ADGRL3: variants seen among roughly 807,000 people sequenced by gnomAD.
The protein encoded by ADGRL3 is calcium-independent alpha-latrotoxin receptor 3.
In ADGRL3, 62 loss-of-function variants were observed where a neutral mutation model predicts 153.5. The ratio of observed to expected loss-of-function variants is 0.40; its 90% confidence interval spans 0.33 to 0.50. The LOEUF is 0.50. ADGRL3 is among the 20% of genes least tolerant of loss of function. ADGRL3 has a pLI of 0.47. For synonymous variants in ADGRL3, 710 were observed against 672.5 expected (o/e 1.06, Z -0.86); for missense variants, 1,641 against 1,859.4 (o/e 0.88, Z 2.16).
intron 4 of ADGRL3, among the ~76,000 whole-genome samples, chr4:61,523,056 T>TGA (rs2098540211): frequency 1.7e-5 from 1 of 58,322 alleles, no homozygotes; most frequent in African/African-American, 1.3e-4. Context: ...CTGAAAATTG[T>TGA]GCGTGTGTGT....
At chr4:61,617,029 A>G (rs1017012376) in intron 5 of ADGRL3, among the ~76,000 whole-genome samples, 1 of 152,106 alleles carries the variant, frequency 6.6e-6, no homozygotes, top group African/African-American at 2.4e-5. Flanking sequence ...CCTTAAAATA[A>G]TTTTTTATAT....
chr4:61,661,583 T>C (rs1561020192), intron 5 of ADGRL3, among the ~76,000 whole-genome samples: 1 of 152,114 alleles, frequency 6.6e-6, no homozygotes, highest in Non-Finnish European at 1.5e-5. Context: ...TTATGAAACT[T>C]TGTCTCTTTA....
chr4:61,431,841 T>C (rs1057034840), intron 2 of ADGRL3, among the ~76,000 whole-genome samples: 4 of 152,204 alleles, frequency 2.6e-5, no homozygotes, highest in Admixed American at 2.6e-4. Context: ...GTCATAATAC[T>C]TCCTCTCTAA....
chr4:61,434,593 GC>G (rs1431070346), intron 2 of ADGRL3, among the ~76,000 whole-genome samples: 6 of 145,306 alleles, frequency 4.1e-5, no homozygotes, highest in Non-Finnish European at 3.1e-5. Context: ...CTTTATCAAT[GC>G]TTGCTTAATG....
intron 1 of ADGRL3, among the ~76,000 whole-genome samples, chr4:61,366,489 A>G (rs1256152546): frequency 6.6e-6 from 1 of 152,190 alleles, no homozygotes; most frequent in East Asian, 1.9e-4. Context: ...AATAGCATCT[A>G]AGCAAATAAA....
At chr4:61,586,254 A>G (rs1339115337) in intron 4 of ADGRL3, among the ~76,000 whole-genome samples, 1 of 151,996 alleles carries the variant, frequency 6.6e-6, no homozygotes, top group Non-Finnish European at 1.5e-5. Context: ...ATGTATTTGG[A>G]TAATTAGGTT....
intron 25 of ADGRL3, among the ~76,000 whole-genome samples, chr4:62,052,084 A>C (rs1285203977): frequency 2.0e-5 from 3 of 151,368 alleles, no homozygotes; most frequent in Non-Finnish European, 4.4e-5. Flanking sequence ...CATTTTCTTT[A>C]TATCCATAAA....
At chr4:61,829,412 T>C (rs924171844) in intron 9 of ADGRL3, among the ~76,000 whole-genome samples, 2 of 152,230 alleles carry the variant, frequency 1.3e-5, no homozygotes, top group Non-Finnish European at 2.9e-5. Context: ...TGTTTTGTTT[T>C]ATATTTGTGA....
chr4:61,697,483 T>C (rs558918210), intron 6 of ADGRL3, among the ~76,000 whole-genome samples: 94 of 150,432 alleles, frequency 6.2e-4, no homozygotes, highest in African/African-American at 2.2e-3. Context: ...TGCTTGGACC[T>C]AGGAGGCAGA....
intron 8 of ADGRL3, among the ~76,000 whole-genome samples, chr4:61,773,028 A>G (rs1003898356): frequency 6.6e-6 from 1 of 152,194 alleles, no homozygotes; most frequent in Non-Finnish European, 1.5e-5. Context: ...ACTTGTGTGC[A>G]AAGACATGCA....
intron 4 of ADGRL3, among the ~76,000 whole-genome samples, chr4:61,524,942 A>C (rs1339340937): frequency 6.6e-6 from 1 of 152,094 alleles, no homozygotes; most frequent in Non-Finnish European, 1.5e-5. Context: ...GTAACTGAAC[A>C]TTGATTATAA....
At chr4:61,761,112 T>C (rs1176663147) in intron 8 of ADGRL3, among the ~76,000 whole-genome samples, 1 of 152,198 alleles carries the variant, frequency 6.6e-6, no homozygotes, top group African/African-American at 2.4e-5. Flanking sequence ...GTCCATCAAG[T>C]GAAGGTTTGC....
In ADGRL3 at chr4:61,283,053, T is replaced by C. The variant is rs142714834; in HGVS notation, c.-240+81288T>C. ...TGATCATGGTTCAGATATATTTTTA[T>C]CTACATGGTTCTTCCTTTGTAATAC... On this transcript the variant is annotated intron_variant, in intron 1 of 26. Transcript: ENST00000683033. Among the ~76,000 whole-genome samples, 58 of 152,162 alleles carry C rather than the reference T, an allele frequency of 3.8e-4. 1 individual carries two copies. In the East Asian group the frequency reaches 0.011, roughly 29 times the overall value.
intron 6 of ADGRL3, among the ~76,000 whole-genome samples, chr4:61,689,440 A>C (rs992686344): frequency 5.3e-5 from 8 of 152,184 alleles, no homozygotes; most frequent in African/African-American, 1.9e-4. Flanking sequence ...AGTTCTTTTT[A>C]TAGGTGAAGA....
intron 21 of ADGRL3, among the ~76,000 whole-genome samples, chr4:62,019,300 A>G (rs1302120233): frequency 6.6e-6 from 1 of 152,016 alleles, no homozygotes; most frequent in East Asian, 1.9e-4. Context: ...TCTTAGAGAG[A>G]GCAGCAAATG....
chr4:61,264,747 G>A (rs924489501), intron 1 of ADGRL3, among the ~76,000 whole-genome samples: 2 of 151,936 alleles, frequency 1.3e-5, no homozygotes, highest in Non-Finnish European at 2.9e-5. Flanking sequence ...GGCAAATACT[G>A]CTAGTACTGG....
At chr4:61,972,418 C>T (rs1208064907) in intron 17 of ADGRL3, among the ~76,000 whole-genome samples, 1 of 152,102 alleles carries the variant, frequency 6.6e-6, no homozygotes. Context: ...ATAGGGAATC[C>T]TTTCCCCATT....
At chr4:61,281,795 T>G (rs2093733869) in intron 1 of ADGRL3, among the ~76,000 whole-genome samples, 1 of 152,092 alleles carries the variant, frequency 6.6e-6, no homozygotes, top group Non-Finnish European at 1.5e-5. Flanking sequence ...GACAAAACCA[T>G]AACATTGATT....
chr4:61,650,836 G>GAA (rs1199083919), intron 5 of ADGRL3, among the ~76,000 whole-genome samples: 1 of 152,132 alleles, frequency 6.6e-6, no homozygotes, highest in Admixed American at 6.5e-5. Context: ...TGAAAATAAT[G>GAA]AAAGTGAATA....
Sources: allele counts gnomAD v4.1 joint callset (sites outside exome capture counted in the v4.1 genomes callset), GRCh38; gene constraint gnomAD v4.1.1; transcripts MANE v1.5; gene names NCBI Gene and HGNC (gene_info 2026-07-23, HGNC 2026-07-21).